KCNH4: variants seen among roughly 807,000 people sequenced by gnomAD.
The protein encoded by KCNH4 is potassium voltage-gated channel subfamily H member 4.
A neutral mutation model predicts 90.7 loss-of-function variants in KCNH4; 33 were observed. That is an observed-to-expected ratio of 0.36 (90% confidence interval 0.28 to 0.49). The LOEUF is 0.49. Among genes scored for constraint, KCNH4 ranks in the 20% least tolerant of loss-of-function variants. KCNH4 has a pLI of 0.98. For synonymous variants in KCNH4, 551 were observed against 581.7 expected (o/e 0.95, Z 0.76); for missense variants, 1,044 against 1,387.1 (o/e 0.75, Z 3.93).
rs776006930 is a variant in KCNH4 at position 42,169,614 on chromosome 17, G to A, written c.1453C>T (p.Arg485Cys). 7 of 1,613,904 alleles carry A rather than the reference G, an allele frequency of 4.3e-6. No individual in the cohort carries two copies. Among genetic ancestry groups the A allele is most frequent in the Non-Finnish European group, 5.1e-6 (6 of 1,179,990 alleles). ...TAIIQRMYSRRSLYHSRMKDL... is the reference protein window; with the variant it reads ...TAIIQRMYSRCSLYHSRMKDL... ...TTCATGCGGCTGTGGTAGAGCGAGC[G>A]GCGCGAGTACATGCGCTGGATGATG... The change falls in exon 9 of 17, where the codon CGC becomes TGC. Residue 485 changes from arginine (R) to cysteine (C), a missense_variant. By Grantham distance (180) the Arg-to-Cys change is radical. Around this residue, in one of 4 missense-constraint regions of KCNH4, gnomAD observed 318 missense variants for 479.6 expected, o/e 0.66. Transcript: ENST00000264661.
intron 16 of KCNH4, among the ~76,000 whole-genome samples, chr17:42,157,608 TTTTTG>T (rs1365101224): frequency 1.3e-5 from 2 of 152,154 alleles, no homozygotes; most frequent in South Asian, 2.1e-4. Flanking sequence ...CCTGAGGTTT[TTTTTG>T]TTTTGTTTTG....
Position 42,163,269 on chromosome 17 carries a change from C to G in KCNH4, c.2543G>C (p.Arg848Thr). Residue 848 changes from arginine to threonine, a missense_variant, in exon 14 of 17, where the codon AGG (arginine) becomes ACG (threonine). By Grantham distance (71) the Arg-to-Thr change is moderately conservative (BLOSUM62 -1). Transcript: ENST00000264661. The surrounding 1 kb of genome is among the most constrained non-coding windows in gnomAD (Gnocchi z 5.4). ...GGAGCGGGGCCTTGGCAGTTCAGGC[C>G]TCCTGCTGAATCGGAATGAAGGGGC... ...AEAPSFRFSRRPELPRPRSQA... is the reference protein window; with the variant it reads ...AEAPSFRFSRTPELPRPRSQA... 6.2e-7 allele frequency: 1 copy of G among 1,614,134 alleles called. No homozygotes were observed. Among genetic ancestry groups the G allele is most frequent in the South Asian group, 1.1e-5 (1 of 91,086 alleles).
At chr17:42,158,148 G>A (rs535640921) in intron 16 of KCNH4, among the ~76,000 whole-genome samples, 1 of 151,782 alleles carries the variant, frequency 6.6e-6, no homozygotes, top group East Asian at 2.0e-4. Flanking sequence ...GGCTGGTCTC[G>A]AACTCCAGAC....
Position 42,176,509 on chromosome 17 carries a change from C to CTTTTTT in KCNH4, c.586-218_586-213dup, listed in dbSNP as rs869250233. Among the ~76,000 whole-genome samples the CTTTTTT allele has an allele frequency of 3.0e-3, 204 of 68,452 alleles. 30 individuals are homozygous for CTTTTTT. Among genetic ancestry groups the CTTTTTT allele is most frequent in the African/African-American group, 0.011 (171 of 15,164 alleles). 44.9% of individuals were successfully genotyped at this position (68,452 alleles called of 152,430 possible). A position where few individuals can be genotyped will look rare whatever the true frequency, so the allele number is the denominator to read the frequency against. On this transcript the variant is annotated intron_variant, in intron 4 of 16. Coordinates refer to ENST00000264661, the MANE Select transcript of KCNH4 (RefSeq NM_012285.3). ...GCCAAGTATTTCCCAGGCCCTCCTC[C>CTTTTTT]TTTTTTTTTTTTTTTTTTTTTTTTT...
At chr17:42,171,113 G>A (rs763280811) in intron 7 of KCNH4, among the ~76,000 whole-genome samples, 1 of 152,068 alleles carries the variant, frequency 6.6e-6, no homozygotes, top group African/African-American at 2.4e-5. Context: ...GTGGGTCAAC[G>A]TTGAATCCTG....
rs751722918 is a variant in KCNH4 at position 42,176,316 on chromosome 17, C to T, written c.586-19G>A. 74 of 1,205,112 alleles carry T rather than the reference C, an allele frequency of 6.1e-5. No individual in the cohort carries two copies. In the Middle Eastern group the frequency reaches 9.1e-4, roughly 15 times the overall value. 74.7% of individuals were successfully genotyped at this position (1,205,112 alleles called of 1,614,324 possible). ...ACACGTTCTAAGGGGAGAGGGGTGG[C>T]GGTTGGGGACACTTGAGGGAAAGAG... On this transcript the variant is annotated intron_variant, in intron 4 of 16. Transcript: ENST00000264661.
At chr17:42,168,304 G>A (rs937623723) in intron 9 of KCNH4, among the ~76,000 whole-genome samples, 50 of 152,178 alleles carry the variant, frequency 3.3e-4, no homozygotes, top group African/African-American at 1.2e-3. Flanking sequence ...AGGGAGAGTC[G>A]CATCAGCTGG....
intron 5 of KCNH4, 87 bp from the exon 6 acceptor site, chr17:42,175,823 G>A (rs559525925): frequency 6.7e-7 from 1 of 1,498,778 alleles, no homozygotes; most frequent in African/African-American, 1.4e-5. Flanking sequence ...GGAGACTGGA[G>A]GAGGAGGCAG....
intron 6 of KCNH4, among the ~76,000 whole-genome samples, chr17:42,172,659 T>C (rs2079835697): frequency 6.6e-6 from 1 of 151,766 alleles, no homozygotes; most frequent in African/African-American, 2.4e-5. Flanking sequence ...TAATGACTTG[T>C]TCAAGGTCAC....
intron 11 of KCNH4, 110 bp from the exon 12 acceptor site, chr17:42,164,278 T>C: frequency 1.0e-6 from 1 of 966,028 alleles, no homozygotes; most frequent in East Asian, 2.8e-5. Flanking sequence ...TGGAGTCTTT[T>C]GTGGAGCTGA....
chr17:42,173,101 G>A (rs912230512), intron 6 of KCNH4, among the ~76,000 whole-genome samples: 3 of 151,830 alleles, frequency 2.0e-5, no homozygotes, highest in African/African-American at 4.8e-5. Context: ...CTGCATTGTG[G>A]TTATCAATAT....
chr17:42,178,752 G>T, intron 2 of KCNH4, 41 bp downstream of exon 2: 2 of 1,546,132 alleles, frequency 1.3e-6, no homozygotes, highest in South Asian at 1.1e-5. Context: ...GATAAGGCTA[G>T]GGGTCTAGGC....
At position 42,178,890 on chromosome 17, in the gene KCNH4, G is replaced by A. The variant is rs373594498; in HGVS notation, c.213C>T (p.Tyr71=). The A allele has an allele frequency of 5.0e-5, 81 of 1,614,192 alleles. 1 individual carries two copies. The highest frequency in any genetic ancestry group is 4.5e-4 in the South Asian group (41 of 91,086). The part of the protein sequence containing the change: ...MQKTCSCRFL[Y]GPETSEPALQ... ...GGGCTGGCTCACTGGTCTCTGGGCC[G>A]TAGAGGAAACGGCAGCTGCAGGTCT... The change falls in exon 2 of 17, where the codon TAC becomes TAT. Residue 71 remains tyrosine, a synonymous_variant. Transcript: ENST00000264661.
At chr17:42,169,400 G>A in intron 9 of KCNH4, 77 bp downstream of exon 9, 1 of 1,358,156 alleles carries the variant, frequency 7.4e-7, no homozygotes, top group Non-Finnish European at 1.0e-6. Context: ...TTAAGCTACA[G>A]GGGCAGCGAC....
intron 15 of KCNH4, 60 bp from the exon 16 acceptor site, chr17:42,160,495 C>A: frequency 3.3e-6 from 5 of 1,494,334 alleles, no homozygotes; most frequent in Non-Finnish European, 4.5e-6. Context: ...GTGCACCCCC[C>A]TCTCCAGTTT....
chr17:42,174,689 G>C (rs974787414), intron 6 of KCNH4, among the ~76,000 whole-genome samples: 1 of 152,072 alleles, frequency 6.6e-6, no homozygotes, highest in Non-Finnish European at 1.5e-5. Flanking sequence ...GGGGCCTGGG[G>C]ACACGGGGTA....
rs749988526 is a variant in KCNH4 at position 42,178,349 on chromosome 17, G to A, written c.439C>T (p.Arg147Cys). The stretch of plus-strand genomic sequence containing the variant: ...CTGTTACCGTGATTACTGTCCCCGC[G>A]GCCTCCTTGGGGGCCAAGTCCTGGG... The part of the protein sequence containing the change: ...GSPGLGPQGG[R>C]GDSNHENSLG... Residue 147 changes from arginine to cysteine, a missense_variant, in exon 3 of 17, where the codon CGC (arginine) becomes TGC (cysteine). Arg to Cys is a radical substitution (Grantham distance 180). Coordinates refer to ENST00000264661, the MANE Select transcript of KCNH4 (RefSeq NM_012285.3). The A allele has an allele frequency of 2.1e-5, 34 of 1,614,056 alleles. No individual in the cohort carries two copies. Among genetic ancestry groups the A allele is most frequent in the Admixed American group, 6.7e-5 (4 of 60,010 alleles).
At chr17:42,166,147 C>A in intron 10 of KCNH4, 150 bp downstream of exon 10, 1 of 976,892 alleles carries the variant, frequency 1.0e-6, no homozygotes, top group Non-Finnish European at 1.5e-6. Context: ...GGTCGTAGGG[C>A]GGAGGGACCG....
chr17:42,158,821 T>C (rs1186515430), intron 16 of KCNH4, among the ~76,000 whole-genome samples: 2 of 151,054 alleles, frequency 1.3e-5, no homozygotes, highest in Non-Finnish European at 2.9e-5. Flanking sequence ...GGTGACAGAG[T>C]GAGACTCCGT....
Sources: gnomAD v4.1 joint callset for allele counts (sites outside exome capture counted in the v4.1 genomes callset) on GRCh38, gnomAD v4.1.1 for gene constraint, gnomAD v4.1.1 regional missense constraint, Gnocchi (gnomAD v3.1) non-coding constraint, MANE v1.5 for transcripts, NCBI Gene and HGNC (gene_info 2026-07-23, HGNC 2026-07-21) for gene names.